Variants in ADAT1 observed in about 807,000 individuals in gnomAD.
ADAT1 encodes the protein adenosine deaminase tRNA specific 1.
In ADAT1, 58 loss-of-function variants were observed where a neutral mutation model predicts 58.6. That is an observed-to-expected ratio of 0.99 (90% CI 0.80 to 1.23). The LOEUF (loss-of-function observed/expected upper bound fraction) is 1.23. ADAT1 is among the 50% of genes most tolerant of loss of function. The pLI is 0.00. For missense variants in ADAT1, 741 were observed against 608.6 expected, an observed-to-expected ratio of 1.22 and a Z score of -2.29; for synonymous variants, 254 against 220.8, an observed-to-expected ratio of 1.15 and a Z score of -1.33.
intron 9 of ADAT1, among the ~76,000 whole-genome samples, chr16:75,602,287 C>T (rs77378762): frequency 0.17 from 26,047 of 152,146 alleles, 2,384 homozygotes; most frequent in Middle Eastern, 0.22. Context: ...GTTGGTGATG[C>T]GCAGCAATGT....
In ADAT1 at chr16:75,612,562, T is replaced by G. The variant is rs3743600; in HGVS notation, c.724A>C (p.Thr242Pro). The change falls in exon 6 of 10, where the codon ACT (threonine) becomes CCT (proline). Residue 242 changes from threonine to proline, a missense_variant. Coordinates refer to ENST00000564657, the MANE Select transcript of ADAT1 (RefSeq NM_001324445.2). ...SCDLTVEGLA[T>P]VTRIAPGSAK... ...CTACCAGGGGCTATTCTGGTGACAGTAGCCAGTCCCTCTACAGTGAGATCA... is the reference window on the plus strand; with the variant it reads ...CTACCAGGGGCTATTCTGGTGACAGGAGCCAGTCCCTCTACAGTGAGATCA... 1.6e-3 allele frequency: 2,632 copies of G among 1,614,132 alleles called. 34 individuals are homozygous for G. In the East Asian group the frequency reaches 0.035, roughly 22 times the overall value.
chr16:75,603,244 GGCTTCAT>G, intron 8 of ADAT1, 73 bp from the exon 9 acceptor site: 1 of 1,342,656 alleles, frequency 7.4e-7, no homozygotes, highest in Non-Finnish European at 1.1e-6. Flanking sequence ...AAAGATGCCA[GGCTTCAT>G]GTGGTTTTTA....
chr16:75,612,788 G>T lies in ADAT1; in HGVS notation c.498C>A (p.Ala166=), dbSNP rs768121674. The part of the protein sequence containing the change: ...QPCCPVFRNW[A]HNSSVEASSN... Reference sequence around the variant, plus strand: ...TACTGGCTTCTACTGATGAGTTGTGGGCCCAATTTCTGAAGACAGGACAGC... The same window carrying T: ...TACTGGCTTCTACTGATGAGTTGTGTGCCCAATTTCTGAAGACAGGACAGC... Residue 166 remains alanine (A), a synonymous_variant, in exon 6 of 10, where the codon GCC becomes GCA. Transcript: ENST00000564657. The T allele has an allele frequency of 6.2e-7, 1 of 1,613,994 alleles. No individual in the cohort carries two copies. The highest frequency in any genetic ancestry group is 8.5e-7 in the Non-Finnish European group (1 of 1,180,014).
Position 75,618,656 on chromosome 16 carries a change from GAC to G in ADAT1, c.239-18_239-17del. On this transcript the variant is annotated splice_polypyrimidine_tract_variant and intron_variant, in intron 3 of 9. Transcript: ENST00000564657. The stretch of plus-strand genomic sequence containing the variant: ...AGGATGTCTCCTGCGGCAAAGATAG[GAC>G]ACCAGGTGAAGACATATGGAAGCTG... 6.2e-7 allele frequency: 1 copy of G among 1,612,674 alleles called. No individual in the cohort carries two copies. The highest frequency in any genetic ancestry group is 1.3e-5 in the African/African-American group (1 of 74,918).
chr16:75,600,695 T>C (rs2081204943), intron 9 of ADAT1, among the ~76,000 whole-genome samples: 1 of 112,496 alleles, frequency 8.9e-6, no homozygotes, highest in Non-Finnish European at 1.6e-5. Context: ...GTGCCATCAC[T>C]TGGCAGCTCC....
intron 2 of ADAT1, 47 bp from the exon 3 acceptor site, chr16:75,620,381 C>T (rs2081892710): frequency 1.3e-6 from 2 of 1,598,894 alleles, no homozygotes; most frequent in Admixed American, 1.7e-5. Flanking sequence ...ACGGAATGTT[C>T]CCCGGTGTTC....
chr16:75,615,479 C>CT (rs200620325), intron 5 of ADAT1, among the ~76,000 whole-genome samples: 1 of 3,368 alleles, frequency 3.0e-4, no homozygotes, highest in Non-Finnish European at 6.9e-4. Context: ...AGTTGATGAG[C>CT]TAAAAAAAAA....
intron 5 of ADAT1, 132 bp from the exon 6 acceptor site, chr16:75,612,993 C>T (rs2081596172): frequency 8.9e-7 from 1 of 1,124,736 alleles, no homozygotes; most frequent in Non-Finnish European, 1.2e-6. Flanking sequence ...GAATCAGAAA[C>T]TCCGGAGGCA....
intron 5 of ADAT1, among the ~76,000 whole-genome samples, chr16:75,616,508 G>C (rs1219035397): frequency 6.6e-6 from 1 of 152,092 alleles, no homozygotes; most frequent in Non-Finnish European, 1.5e-5. Context: ...ATCCTGAGTT[G>C]TTATCCACAA....
rs1242643364 is a variant in ADAT1 at position 75,598,565 on chromosome 16, C to A, written c.*1651G>T. ...ACAGGATCTCACTCTGTCACCCAGG[C>A]TGGAGTGCAATGGCATGATCTTGAC... is the stretch of plus-strand genomic sequence containing the variant. On this transcript the variant is annotated 3_prime_UTR_variant, in exon 10 of 10. Transcript: ENST00000564657. Among the ~76,000 whole-genome samples the A allele has an allele frequency of 1.3e-5, 2 of 150,456 alleles. No individual in the cohort carries two copies. Among genetic ancestry groups the A allele is most frequent in the Non-Finnish European group, 2.9e-5 (2 of 67,916 alleles).
At chr16:75,606,905 G>C (rs1237591415) in intron 8 of ADAT1, among the ~76,000 whole-genome samples, 1 of 152,140 alleles carries the variant, frequency 6.6e-6, no homozygotes, top group African/African-American at 2.4e-5. Context: ...ATATATGTAA[G>C]AAGACCTCAA....
rs948668354 is a variant in ADAT1, at chr16:75,598,939, C to T, written c.*1277G>A. On this transcript the variant is annotated 3_prime_UTR_variant, in exon 10 of 10. Coordinates refer to ENST00000564657, the MANE Select transcript of ADAT1 (RefSeq NM_001324445.2). ...AAAATGCTGAAGAACCAATAAGGACCTTGAGTAACCCCAACATGGGAGCTT... is the reference window on the plus strand; with the variant it reads ...AAAATGCTGAAGAACCAATAAGGACTTTGAGTAACCCCAACATGGGAGCTT... 1.0e-6 allele frequency: 1 copy of T among 985,206 alleles called. No individual in the cohort carries two copies. The highest frequency in any genetic ancestry group is 6.2e-5 in the Admixed American group (1 of 16,248). The allele number at this position is 985,206 out of a possible 1,614,324, so 61.0% of individuals were successfully genotyped here.
chr16:75,617,448 C>T (rs943000556), intron 4 of ADAT1, among the ~76,000 whole-genome samples, 176 bp from the exon 5 acceptor site: 3 of 152,050 alleles, frequency 2.0e-5, no homozygotes, highest in Admixed American at 2.0e-4. Context: ...GTACCAGCAG[C>T]ATCAGCATCA....
chr16:75,600,547 G>A (rs7186896), intron 9 of ADAT1, among the ~76,000 whole-genome samples, 199 bp from the exon 10 acceptor site: 121 of 152,282 alleles, frequency 7.9e-4, no homozygotes, highest in African/African-American at 2.9e-3. Flanking sequence ...TGAGAAGCCA[G>A]GGGTAAAAAA....
rs1163510620 is a variant in ADAT1 at position 75,618,098 on chromosome 16, C to CAAAAAAA, written c.293+481_293+487dup. Among the ~76,000 whole-genome samples, 195 of 32,514 alleles carry CAAAAAAA rather than the reference C, an allele frequency of 6.0e-3. 10 individuals carry two copies. Among genetic ancestry groups the CAAAAAAA allele is most frequent in the African/African-American group, 0.015 (179 of 11,574 alleles). The allele number at this position is 32,514 out of a possible 152,430, so 21.3% of individuals were successfully genotyped here. Reference sequence around the variant, plus strand: ...AGGTAACAGAGCAAGACCCTGTGTCCAAAAAAAAAAAAAAAAAAAAAAAAA... The same window carrying CAAAAAAA: ...AGGTAACAGAGCAAGACCCTGTGTCCAAAAAAAAAAAAAAAAAAAAAAAAAAAAAAAA... On this transcript the variant is annotated intron_variant, in intron 4 of 9. Transcript: ENST00000564657.
rs2081196967 is a variant in ADAT1 at position 75,600,461 on chromosome 16, AAGG to A, written c.1377-116_1377-114del. 9.4e-6 allele frequency: 14 copies of A among 1,482,796 alleles called. No individual in the cohort carries two copies. In the South Asian group the frequency reaches 1.9e-4, roughly 20 times the overall value. The allele number at this position is 1,482,796 out of a possible 1,614,324, so 91.9% of individuals were successfully genotyped here. ...GACTTGTAATGAGACTTAGGTAGAG[AAGG>A]AGTTCAGTATGCTTTTGTGAAAGTT... On this transcript the variant is annotated intron_variant, in intron 9 of 9. Transcript: ENST00000564657.
In ADAT1 at chr16:75,600,145, TAA is replaced by T; in HGVS notation, c.*69_*70del. On this transcript the variant is annotated 3_prime_UTR_variant, in exon 10 of 10. Transcript: ENST00000564657. ...TCCCTGATTTAACTACCAAAAAAGC[TAA>T]GACTTGTCCTGCGTGGAGGAAGGCA... 1 of 1,582,384 alleles carries T rather than the reference TAA, an allele frequency of 6.3e-7. No homozygotes were observed. The highest frequency in any genetic ancestry group is 8.6e-7 in the Non-Finnish European group (1 of 1,161,626).
intron 1 of ADAT1, among the ~76,000 whole-genome samples, chr16:75,621,444 G>C (rs1210621796): frequency 6.6e-6 from 1 of 151,974 alleles, no homozygotes; most frequent in African/African-American, 2.4e-5. Flanking sequence ...ATGCTGAATA[G>C]ACTACTTAAC....
At chr16:75,620,382 C>T (rs768568746) in intron 2 of ADAT1, 48 bp from the exon 3 acceptor site, 78 of 1,599,634 alleles carry the variant, frequency 4.9e-5, no homozygotes, top group Non-Finnish European at 5.9e-5. Flanking sequence ...CGGAATGTTC[C>T]CCGGTGTTCA....
Sources: gnomAD v4.1 joint callset for allele counts (sites outside exome capture counted in the v4.1 genomes callset) on GRCh38, gnomAD v4.1.1 for gene constraint, MANE v1.5 for transcripts, NCBI Gene and HGNC (gene_info 2026-07-23, HGNC 2026-07-21) for gene names.